The following GALNT10 variants were observed in gnomAD, a reference collection of about 807,000 sequenced individuals.
The protein encoded by GALNT10 is polypeptide N-acetylgalactosaminyltransferase 10.
A neutral mutation model predicts 75.0 loss-of-function variants in GALNT10; 41 were observed. The observed-to-expected ratio is 0.55, with a 90% CI of 0.43 to 0.71. The LOEUF is 0.71. GALNT10 is among the 30% of genes least tolerant of loss of function. The pLI is 0.00. For synonymous variants in GALNT10, 302 were observed against 313.0 expected (o/e 0.96, Z 0.37); for missense variants, 727 against 818.5 (o/e 0.89, Z 1.36).
chr5:154,197,600 G>A (rs1211405849), intron 1 of GALNT10, among the ~76,000 whole-genome samples: 1 of 152,184 alleles, frequency 6.6e-6, no homozygotes, highest in Non-Finnish European at 1.5e-5. Context: ...ATGGCTTTAA[G>A]AGAATGCTGA....
At chr5:154,315,726 AC>A (rs1396186432) in intron 3 of GALNT10, among the ~76,000 whole-genome samples, 1 of 152,030 alleles carries the variant, frequency 6.6e-6, no homozygotes, top group Non-Finnish European at 1.5e-5. Context: ...CCCACCCAGG[AC>A]TCCTTCTTCA....
intron 4 of GALNT10, among the ~76,000 whole-genome samples, chr5:154,357,628 C>T (rs1755316624): frequency 1.3e-5 from 2 of 152,178 alleles, no homozygotes; most frequent in Non-Finnish European, 1.5e-5. Context: ...ATATTGAGAA[C>T]TCCCATAAAA....
intron 3 of GALNT10, among the ~76,000 whole-genome samples, chr5:154,320,908 C>T (rs774053410): frequency 6.2e-4 from 94 of 152,332 alleles, no homozygotes; most frequent in Admixed American, 1.6e-3. Context: ...CCAGATGCAA[C>T]GGTTAAGTCA....
intron 4 of GALNT10, among the ~76,000 whole-genome samples, chr5:154,360,465 AAC>A (rs1352914036): frequency 1.3e-5 from 2 of 150,924 alleles, no homozygotes; most frequent in Non-Finnish European, 3.0e-5. Flanking sequence ...AAAAAAAAAA[AAC>A]AAAACAAAAC....
chr5:154,262,112 T>C (rs192530820), intron 1 of GALNT10, among the ~76,000 whole-genome samples: 467 of 152,344 alleles, frequency 3.1e-3, no homozygotes, highest in Non-Finnish European at 4.9e-3. Flanking sequence ...AAGGAATACA[T>C]TTGAGTTATT....
chr5:154,290,091 A>ATTT (rs370050729), intron 1 of GALNT10, among the ~76,000 whole-genome samples: 11,856 of 135,662 alleles, frequency 0.087, 603 homozygotes, highest in African/African-American at 0.12. Flanking sequence ...GTACTCTGTA[A>ATTT]TTTTTTTTTT....
intron 3 of GALNT10, among the ~76,000 whole-genome samples, chr5:154,311,448 A>G (rs1407959584): frequency 6.6e-6 from 1 of 152,180 alleles, no homozygotes; most frequent in East Asian, 1.9e-4. Flanking sequence ...ACAGATGCAC[A>G]AACTAAACCT....
At chr5:154,193,970 A>G (rs1774898547) in intron 1 of GALNT10, among the ~76,000 whole-genome samples, 1 of 152,254 alleles carries the variant, frequency 6.6e-6, no homozygotes, top group African/African-American at 2.4e-5. Flanking sequence ...AAGAAATGCC[A>G]GCCTTGAAGA....
chr5:154,277,293 T>C (rs1753966816), intron 1 of GALNT10, among the ~76,000 whole-genome samples: 1 of 151,728 alleles, frequency 6.6e-6, no homozygotes, highest in African/African-American at 2.4e-5. Context: ...CTTTCTAGCA[T>C]ACTAGGCTGG....
intron 4 of GALNT10, chr5:154,337,916 A>G (rs1465100887): frequency 4.9e-6 from 7 of 1,432,274 alleles, no homozygotes; most frequent in Admixed American, 1.7e-5. Context: ...ATTTGTGGCC[A>G]TTCACAGGAT....
At chr5:154,340,824 A>T (rs1382094277) in intron 4 of GALNT10, among the ~76,000 whole-genome samples, 1 of 152,244 alleles carries the variant, frequency 6.6e-6, no homozygotes, top group Non-Finnish European at 1.5e-5. Flanking sequence ...AGAGCTGTTT[A>T]CATCAGAGGC....
chr5:154,233,033 C>T (rs1205699132), intron 1 of GALNT10, among the ~76,000 whole-genome samples: 1 of 152,212 alleles, frequency 6.6e-6, no homozygotes, highest in African/African-American at 2.4e-5. Flanking sequence ...ACAAGTTACT[C>T]AGCCTTTCTG....
At chr5:154,411,622 G>A (rs1414830293) in intron 9 of GALNT10, among the ~76,000 whole-genome samples, 4 of 152,212 alleles carry the variant, frequency 2.6e-5, no homozygotes, top group Non-Finnish European at 4.4e-5. Flanking sequence ...CAGTCACAGA[G>A]CCCTTGCCTG....
At chr5:154,221,890 G>A (rs1752985410) in intron 1 of GALNT10, among the ~76,000 whole-genome samples, 1 of 152,072 alleles carries the variant, frequency 6.6e-6, no homozygotes, top group Non-Finnish European at 1.5e-5. Flanking sequence ...TGCTTACTTT[G>A]CCAGTGGACT....
intron 3 of GALNT10, among the ~76,000 whole-genome samples, chr5:154,328,223 A>C (rs1004210): frequency 0.75 from 113,382 of 151,542 alleles, 42,587 homozygotes; most frequent in Admixed American, 0.83. Context: ...GAAATTTGCA[A>C]ACCAACTAGA....
chr5:154,271,460 C>T (rs1753865121), intron 1 of GALNT10, among the ~76,000 whole-genome samples: 1 of 152,030 alleles, frequency 6.6e-6, no homozygotes, highest in African/African-American at 2.4e-5. Context: ...GGACGAAACT[C>T]CGTCTCAAAA....
In GALNT10 at chr5:154,402,032, C is replaced by T. The variant is rs536998010; in HGVS notation, c.1057-2072C>T. Among the ~76,000 whole-genome samples, 22 of 152,260 alleles carry T rather than the reference C, an allele frequency of 1.4e-4. No homozygotes were observed. In the South Asian group the frequency reaches 1.5e-3, roughly 10 times the overall value. ...GGGTCAGGACGGTCTCATATCAGGA[C>T]GACTGCAAGAGCCTCCCGGGCCTAC... On this transcript the variant is annotated intron_variant, in intron 7 of 11. Coordinates refer to ENST00000297107, the MANE Select transcript of GALNT10 (RefSeq NM_198321.4). This position sits in a 1 kb window ranked among gnomAD's most constrained non-coding sequence, Gnocchi z 4.2.
chr5:154,337,484 G>T, intron 4 of GALNT10: 1 of 722,406 alleles, frequency 1.4e-6, no homozygotes, highest in Non-Finnish European at 2.5e-6. Context: ...TCCTGCCACT[G>T]CCATGGCTAC....
intron 4 of GALNT10, among the ~76,000 whole-genome samples, chr5:154,332,722 A>G (rs774828371): frequency 6.6e-6 from 1 of 152,228 alleles, no homozygotes; most frequent in Non-Finnish European, 1.5e-5. Flanking sequence ...CAGCAGGGCC[A>G]TCTTCATCCA....
Sources: allele counts gnomAD v4.1 joint callset (sites outside exome capture counted in the v4.1 genomes callset), GRCh38; gene constraint gnomAD v4.1.1; non-coding constraint Gnocchi (gnomAD v3.1); transcripts MANE v1.5; gene names NCBI Gene and HGNC (gene_info 2026-07-23, HGNC 2026-07-21).